The following CPOX variants were observed in gnomAD, a reference collection of about 807,000 sequenced individuals.
CPOX encodes oxygen-dependent coproporphyrinogen-III oxidase, mitochondrial.
CPOX carries 24 observed loss-of-function variants against 48.9 expected under a neutral mutation model. The observed-to-expected ratio is 0.49, with a 90% CI of 0.36 to 0.69. CPOX has a LOEUF of 0.69. CPOX is among the 30% of genes least tolerant of loss of function. The pLI, the probability that CPOX is intolerant of heterozygous loss-of-function variation, is 0.00. For missense variants in CPOX, 549 were observed against 597.3 expected, an observed-to-expected ratio of 0.92 and a Z score of 0.84; for synonymous variants, 249 against 234.6, an observed-to-expected ratio of 1.06 and a Z score of -0.56.
At chr3:98,582,232 C>T (rs765734942) in intron 5 of CPOX, among the ~76,000 whole-genome samples, 7 of 152,066 alleles carry the variant, frequency 4.6e-5, no homozygotes, top group Non-Finnish European at 8.8e-5. Context: ...TAAAACCCTG[C>T]ATCTGCCTTT....
chr3:98,587,855 G>A (rs1707395749), intron 4 of CPOX, among the ~76,000 whole-genome samples: 1 of 152,010 alleles, frequency 6.6e-6, no homozygotes, highest in African/African-American at 2.4e-5. Flanking sequence ...AACCAAAAAA[G>A]AGAACTGTCT....
intron 5 of CPOX, among the ~76,000 whole-genome samples, chr3:98,584,061 T>A (rs761095663): frequency 6.6e-6 from 1 of 152,162 alleles, no homozygotes; most frequent in African/African-American, 2.4e-5. Flanking sequence ...AAACGATGTA[T>A]AAAAAACAAA....
At position 98,580,065 on chromosome 3, in the gene CPOX, C is replaced by G; in HGVS notation, c.*618G>C. 2.0e-6 allele frequency: 2 copies of G among 981,284 alleles called. No individual in the cohort carries two copies. Among genetic ancestry groups the G allele is most frequent in the Non-Finnish European group, 2.4e-6 (2 of 826,954 alleles). The allele number at this position is 981,284 out of a possible 1,614,324, so 60.8% of individuals were successfully genotyped here. On this transcript the variant is annotated 3_prime_UTR_variant, in exon 7 of 7. Transcript: ENST00000647941. Reference sequence around the variant, plus strand: ...AATAGTAATGTCACTTTAGAGTTTACAAACTACAGAAATAACTGAATTGTA... The same window carrying G: ...AATAGTAATGTCACTTTAGAGTTTAGAAACTACAGAAATAACTGAATTGTA...
Position 98,593,158 on chromosome 3 carries a change from G to T in CPOX, c.347C>A (p.Pro116Gln), listed in dbSNP as rs376755317. ...SGTRATSLGR[P>Q]EEEEDELAHR... ...GGCCAGCTCATCCTCCTCCTCCTCC[G>T]GCCTCCCCAGCGAAGTGGCCCGCGT... The change falls in exon 1 of 7, where the codon CCG (proline) becomes CAG (glutamine). Residue 116 changes from proline to glutamine, a missense_variant. This residue lies in a region of CPOX where 336 missense variants were observed against 318.1 expected (regional missense o/e 1.06). Coordinates refer to ENST00000647941, the MANE Select transcript of CPOX (RefSeq NM_000097.7). 20 of 1,611,622 alleles carry T rather than the reference G, an allele frequency of 1.2e-5. No homozygotes were observed. In the African/African-American group the frequency reaches 2.4e-4, roughly 19 times the overall value.
In CPOX at chr3:98,580,429, A is replaced by G. The variant is rs1707234823; in HGVS notation, c.*254T>C. 1 of 1,302,626 alleles carries G rather than the reference A, an allele frequency of 7.7e-7. No homozygotes were observed. Among genetic ancestry groups the G allele is most frequent in the African/African-American group, 1.5e-5 (1 of 66,824 alleles). The allele number at this position is 1,302,626 out of a possible 1,614,324, so 80.7% of individuals were successfully genotyped here. On this transcript the variant is annotated 3_prime_UTR_variant, in exon 7 of 7. Coordinates refer to ENST00000647941, the MANE Select transcript of CPOX (RefSeq NM_000097.7). ...TCAATACTTGGAAACTCAATGTCCT[A>G]TTTTGTAAACTAGTCATATAAAATG... is the stretch of plus-strand genomic sequence containing the variant.
At chr3:98,592,477 G>A (rs1707498901) in intron 1 of CPOX, among the ~76,000 whole-genome samples, 1 of 152,148 alleles carries the variant, frequency 6.6e-6, no homozygotes, top group Non-Finnish European at 1.5e-5. Context: ...GAAGTGGGAA[G>A]ATTCTGACAC....
chr3:98,590,631 C>G lies in CPOX; in HGVS notation c.811+1G>C. 1 of 1,597,326 alleles carries G rather than the reference C, an allele frequency of 6.3e-7. No homozygotes were observed. Among genetic ancestry groups the G allele is most frequent in the Non-Finnish European group, 8.6e-7 (1 of 1,164,736 alleles). Reference sequence around the variant, plus strand: ...CTTTCCGTAGCTCCTGAGACCCTTACCATCAGCTTCTTCTACTTCAAAGTA... The same window carrying G: ...CTTTCCGTAGCTCCTGAGACCCTTAGCATCAGCTTCTTCTACTTCAAAGTA... On this transcript the variant is annotated splice_donor_variant, in intron 3 of 6. Coordinates refer to ENST00000647941, the MANE Select transcript of CPOX (RefSeq NM_000097.7). LOFTEE classifies it high-confidence loss of function.
chr3:98,578,947 T>C (rs1179044786), downstream of CPOX, among the ~76,000 whole-genome samples: 1 of 152,244 alleles, frequency 6.6e-6, no homozygotes, highest in Non-Finnish European at 1.5e-5. Flanking sequence ...TGAGGAACTA[T>C]GGCATTAGCA....
intron 5 of CPOX, among the ~76,000 whole-genome samples, chr3:98,583,685 A>G (rs1342581011): frequency 6.6e-6 from 1 of 152,248 alleles, no homozygotes; most frequent in African/African-American, 2.4e-5. Context: ...ATTGCCAAAT[A>G]AGAGACTGTA....
the CPOX span, among the ~76,000 whole-genome samples, chr3:98,573,757 TTAAG>T: frequency 8.5e-5 from 13 of 152,248 alleles, no homozygotes; most frequent in Non-Finnish European, 7.3e-5. Flanking sequence ...AGGATCATTT[TTAAG>T]TGTTAACTTA....
At chr3:98,575,095 AAT>A (rs1184884496), downstream of CPOX, among the ~76,000 whole-genome samples, 14 of 152,236 alleles carry the variant, frequency 9.2e-5, no homozygotes, top group Non-Finnish European at 1.9e-4. Flanking sequence ...AGCATAGATA[AAT>A]TGCTATAAAG....
chr3:98,572,094 C>T, the CPOX span, among the ~76,000 whole-genome samples: 15 of 152,284 alleles, frequency 9.9e-5, no homozygotes, highest in East Asian at 2.9e-3. Context: ...ATGTAATTTA[C>T]ATCTTCTACA....
Position 98,581,411 on chromosome 3 carries a change from C to T in CPOX, c.1273G>A (p.Ala425Thr). 6.2e-7 allele frequency: 1 copy of T among 1,609,462 alleles called. No individual in the cohort carries two copies. ...TAAAATGAGTTATCTCCTTACCGGGCAGTTAGAGGTAAAGACATCAAGATA... is the reference window on the plus strand; with the variant it reads ...TAAAATGAGTTATCTCCTTACCGGGTAGTTAGAGGTAAAGACATCAAGATA... ...ESILMSLPLT[A>T]RWEYMHSPSE... is the part of the protein sequence containing the mutation. Residue 425 changes from alanine to threonine, a missense_variant, in exon 6 of 7, where the codon GCC (alanine) becomes ACC (threonine). Transcript: ENST00000647941.
intron 5 of CPOX, 110 bp from the exon 6 acceptor site, chr3:98,581,621 C>T: frequency 1.2e-6 from 1 of 812,464 alleles, no homozygotes; most frequent in Non-Finnish European, 2.1e-6. Context: ...TTCCCATCAG[C>T]TGGAACTGGC....
rs1559672868 is a variant in CPOX at position 98,579,571 on chromosome 3, A to G, written c.*1112T>C. 25 of 985,314 alleles carry G rather than the reference A, an allele frequency of 2.5e-5. No individual in the cohort carries two copies. The highest frequency in any genetic ancestry group is 1.1e-4 in the East Asian group (1 of 8,836). The allele number at this position is 985,314 out of a possible 1,614,324, so 61.0% of individuals were successfully genotyped here. On this transcript the variant is annotated 3_prime_UTR_variant, in exon 7 of 7. Transcript: ENST00000647941. ...ACATTCAACGTGTTCCACGATAATG[A>G]TATGTATGAGATGCTCTTCCTTATA...
the CPOX span, among the ~76,000 whole-genome samples, chr3:98,574,420 G>T: frequency 1.3e-5 from 2 of 152,134 alleles, no homozygotes; most frequent in African/African-American, 4.8e-5. Flanking sequence ...TGAAGAGTCG[G>T]GGTGGGTGGC....
chr3:98,579,603 AT>A lies in CPOX; in HGVS notation c.*1079del. 1.0e-6 allele frequency: 1 copy of A among 984,938 alleles called. No individual in the cohort carries two copies. The highest frequency in any genetic ancestry group is 4.7e-5 in the South Asian group (1 of 21,284). The allele number at this position is 984,938 out of a possible 1,614,324, so 61.0% of individuals were successfully genotyped here. A position where few individuals can be genotyped will look rare whatever the true frequency, so the allele number is the denominator to read the frequency against. On this transcript the variant is annotated 3_prime_UTR_variant, in exon 7 of 7. Transcript: ENST00000647941. ...TGAGATGCTCTTCCTTATAAACTTT[AT>A]TACGAAGCAAATAAAATAATACATT...
intron 5 of CPOX, among the ~76,000 whole-genome samples, chr3:98,582,627 G>A (rs1268082619): frequency 1.3e-5 from 2 of 151,960 alleles, no homozygotes; most frequent in Non-Finnish European, 2.9e-5. Context: ...GAGTAGCTGG[G>A]ACTATAGGCA....
chr3:98,579,212 T>C (rs934390650), downstream of CPOX, among the ~76,000 whole-genome samples: 3 of 152,212 alleles, frequency 2.0e-5, no homozygotes, highest in Admixed American at 1.3e-4. Context: ...GAGTATATAA[T>C]ACATATAACA....
Sources: allele counts gnomAD v4.1 joint callset (sites outside exome capture counted in the v4.1 genomes callset), GRCh38; gene constraint gnomAD v4.1.1; regional missense constraint gnomAD v4.1.1; transcripts MANE v1.5; gene names NCBI Gene and HGNC (gene_info 2026-07-23, HGNC 2026-07-21).